The following BTNL8 variants were observed in gnomAD, a reference collection of about 807,000 sequenced individuals.
The protein encoded by BTNL8 is butyrophilin like 8, also known as butyrophilin-like protein 8.
In BTNL8, 22 loss-of-function variants were observed where a neutral mutation model predicts 36.1. That is an observed-to-expected ratio of 0.61 (90% CI 0.44 to 0.87). BTNL8 has a LOEUF of 0.87. Ranked by LOEUF, BTNL8 falls within the 40% of genes least tolerant of loss-of-function variation. The pLI, the probability that BTNL8 is intolerant of heterozygous loss-of-function variation, is 0.00. For synonymous variants in BTNL8, 203 were observed against 235.6 expected, an observed-to-expected ratio of 0.86 and a Z score of 1.27; for missense variants, 526 against 616.9, an observed-to-expected ratio of 0.85 and a Z score of 1.56.
chr5:180,924,025 C>G (rs551951800), intron 3 of BTNL8, among the ~76,000 whole-genome samples: 14 of 152,324 alleles, frequency 9.2e-5, no homozygotes, highest in Middle Eastern at 6.8e-3. Flanking sequence ...AGTAGCAACA[C>G]AATTCCTGAT....
At position 180,908,632 on chromosome 5, in the gene BTNL8, G is replaced by T. The variant is rs368597376; in HGVS notation, c.96G>T (p.Val32=). The T allele has an allele frequency of 1.9e-6, 3 of 1,614,216 alleles. No homozygotes were observed. Among genetic ancestry groups the T allele is most frequent in the African/African-American group, 1.3e-5 (1 of 75,050 alleles). The part of the protein sequence containing the change: ...FGPDKPVQAL[V]GEDAAFSCFL... The stretch of plus-strand genomic sequence containing the variant: ...CAGACAAGCCTGTCCAGGCCTTGGT[G>T]GGGGAGGACGCAGCATTCTCCTGTT... The change falls in exon 2 of 8, where the codon GTG becomes GTT. Residue 32 remains valine (V), a synonymous_variant. Coordinates refer to ENST00000340184, the MANE Select transcript of BTNL8 (RefSeq NM_001040462.3).
At chr5:180,922,234 C>T (rs187894677) in intron 3 of BTNL8, among the ~76,000 whole-genome samples, 23 of 152,066 alleles carry the variant, frequency 1.5e-4, no homozygotes, top group Admixed American at 3.3e-4. Flanking sequence ...CTTCTGCTAA[C>T]TTTGGGATTG....
intron 3 of BTNL8, among the ~76,000 whole-genome samples, chr5:180,938,253 A>C (rs1758750270): frequency 6.6e-6 from 1 of 152,214 alleles, no homozygotes; most frequent in Non-Finnish European, 1.5e-5. Context: ...TGTGAGTTTC[A>C]GAAGAAGAGA....
intron 1 of BTNL8, among the ~76,000 whole-genome samples, chr5:180,907,793 G>C (rs1308941554): frequency 5.6e-4 from 85 of 151,872 alleles, no homozygotes; most frequent in East Asian, 2.3e-3. Flanking sequence ...AGGTGTCAGT[G>C]TGCCCCTGCT....
At position 180,908,608 on chromosome 5, in the gene BTNL8, A is replaced by T; in HGVS notation, c.72A>T (p.Pro24=). The change falls in exon 2 of 8, where the codon CCA becomes CCT. Residue 24 remains proline (P), a synonymous_variant. Coordinates refer to ENST00000340184, the MANE Select transcript of BTNL8 (RefSeq NM_001040462.3). Reference sequence around the variant, plus strand: ...CAGGGCAGTGGCAGGTGTTTGGGCCAGACAAGCCTGTCCAGGCCTTGGTGG... The same window carrying T: ...CAGGGCAGTGGCAGGTGTTTGGGCCTGACAAGCCTGTCCAGGCCTTGGTGG... ...LGSGQWQVFG[P]DKPVQALVGE... 1 of 1,614,136 alleles carries T rather than the reference A, an allele frequency of 6.2e-7. No individual in the cohort carries two copies. The highest frequency in any genetic ancestry group is 1.1e-5 in the South Asian group (1 of 91,080).
At chr5:180,939,273 A>G (rs554173285) in intron 3 of BTNL8, among the ~76,000 whole-genome samples, 7 of 152,316 alleles carry the variant, frequency 4.6e-5, no homozygotes, top group East Asian at 3.9e-4. Context: ...ATGAATGAAT[A>G]AATGAAAAAA....
chr5:180,943,554 C>T (rs956480393), intron 3 of BTNL8, among the ~76,000 whole-genome samples: 2 of 152,130 alleles, frequency 1.3e-5, no homozygotes, highest in Non-Finnish European at 2.9e-5. Flanking sequence ...TGAGATAAAA[C>T]ATTACTCAAG....
chr5:180,902,165 C>A (rs763658781), intron 1 of BTNL8, among the ~76,000 whole-genome samples: 1 of 146,716 alleles, frequency 6.8e-6, no homozygotes. Flanking sequence ...TCAGCAAGGA[C>A]GATGGAAATG....
In BTNL8 at chr5:180,911,342, T is replaced by C. The variant is rs761383953; in HGVS notation, c.401T>C (p.Leu134Pro). The change falls in exon 3 of 8, where the codon CTG becomes CCG. Residue 134 changes from leucine (L) to proline (P), a missense_variant. This residue lies in a region of BTNL8 where 350 missense variants were observed against 324.6 expected (regional missense o/e 1.08). Coordinates refer to ENST00000340184, the MANE Select transcript of BTNL8 (RefSeq NM_001040462.3). The stretch of plus-strand genomic sequence containing the variant: ...CCGTTCCCTGTTTTCTCCCCAGCAC[T>C]GGGCTCAGTTCCTCTCATTTCCATC... ...KAIWELQVSA[L>P]GSVPLISITG... The C allele has an allele frequency of 6.2e-7, 1 of 1,614,080 alleles. No individual in the cohort carries two copies. The highest frequency in any genetic ancestry group is 1.1e-5 in the South Asian group (1 of 91,074).
intron 3 of BTNL8, among the ~76,000 whole-genome samples, chr5:180,932,218 G>T (rs567512930): frequency 3.3e-5 from 5 of 152,316 alleles, no homozygotes; most frequent in African/African-American, 1.2e-4. Flanking sequence ...GGTGTGGGGG[G>T]CTAAGGAGGG....
At chr5:180,899,458 C>G in intron 1 of BTNL8, 99 bp downstream of exon 1, 1 of 1,379,852 alleles carries the variant, frequency 7.2e-7, no homozygotes, top group Non-Finnish European at 1.0e-6. Flanking sequence ...TTGTCGTTTC[C>G]ATTCCTTTGG....
At chr5:180,907,295 T>C (rs1217411497) in intron 1 of BTNL8, among the ~76,000 whole-genome samples, 2 of 123,538 alleles carry the variant, frequency 1.6e-5, no homozygotes, top group Non-Finnish European at 3.3e-5. Flanking sequence ...GCTGATACCC[T>C]TTCTTCCAGT....
intron 3 of BTNL8, among the ~76,000 whole-genome samples, chr5:180,937,617 C>T (rs1326479837): frequency 6.6e-6 from 1 of 151,992 alleles, no homozygotes; most frequent in Non-Finnish European, 1.5e-5. Flanking sequence ...AAGAAAACAT[C>T]AACAAAACTA....
chr5:180,908,804 G>C lies in BTNL8; in HGVS notation c.268G>C (p.Asp90His). 6.2e-7 allele frequency: 1 copy of C among 1,614,172 alleles called. No homozygotes were observed. Among genetic ancestry groups the C allele is most frequent in the Non-Finnish European group, 8.5e-7 (1 of 1,180,028 alleles). ...QYQGRTKLVK[D>H]SIAEGRISLR... The stretch of plus-strand genomic sequence containing the variant: ...TCAAGGCAGGACAAAACTGGTGAAG[G>C]ATTCTATTGCGGAGGGGCGCATCTC... The change falls in exon 2 of 8, where the codon GAT (aspartate) becomes CAT (histidine). Residue 90 changes from aspartate (D) to histidine (H), a missense_variant. Physicochemically the swap from Asp to His is moderately conservative, Grantham distance 81. This residue lies in a region of BTNL8 where 350 missense variants were observed against 324.6 expected (regional missense o/e 1.08). Coordinates refer to ENST00000340184, the MANE Select transcript of BTNL8 (RefSeq NM_001040462.3).
intron 3 of BTNL8, among the ~76,000 whole-genome samples, chr5:180,924,207 C>T (rs1267946207): frequency 3.9e-5 from 6 of 152,162 alleles, no homozygotes; most frequent in Non-Finnish European, 5.9e-5. Context: ...TGATTATCTA[C>T]AGAGGGAGCA....
intron 3 of BTNL8, among the ~76,000 whole-genome samples, chr5:180,930,166 C>G (rs1458773773): frequency 6.6e-6 from 1 of 152,180 alleles, no homozygotes; most frequent in Non-Finnish European, 1.5e-5. Context: ...TCAACATACG[C>G]AAATTAATAA....
intron 3 of BTNL8, among the ~76,000 whole-genome samples, chr5:180,936,966 C>T (rs1345464786): frequency 6.6e-6 from 1 of 152,220 alleles, no homozygotes; most frequent in East Asian, 1.9e-4. Context: ...GGAGGCACCA[C>T]ACACTGCCTG....
chr5:180,930,258 AC>A (rs1162676838), intron 3 of BTNL8, among the ~76,000 whole-genome samples: 12 of 152,226 alleles, frequency 7.9e-5, no homozygotes, highest in Admixed American at 6.5e-4. Context: ...AAAATTAAAC[AC>A]CCCTTCATGC....
At chr5:180,909,735 AGATG>A in intron 2 of BTNL8, 2 of 292,890 alleles carry the variant, frequency 6.8e-6, no homozygotes, top group South Asian at 1.3e-4. Context: ...AAAAAAAAGA[AGATG>A]AAAGAAGGAA....
Sources: allele counts gnomAD v4.1 joint callset (sites outside exome capture counted in the v4.1 genomes callset), GRCh38; gene constraint gnomAD v4.1.1; regional missense constraint gnomAD v4.1.1; transcripts MANE v1.5; gene names NCBI Gene and HGNC (gene_info 2026-07-23, HGNC 2026-07-21).